Variants in DPYD observed in about 807,000 individuals in gnomAD.
The protein encoded by DPYD is dihydropyrimidine dehydrogenase.
In DPYD, 109 loss-of-function variants were observed where a neutral mutation model predicts 116.2. That is an observed-to-expected ratio of 0.94 (90% CI 0.80 to 1.10). The LOEUF (loss-of-function observed/expected upper bound fraction) is 1.10, where lower values mean the gene tolerates loss of function less well. Among genes scored for constraint, DPYD ranks in the 50% least tolerant of loss-of-function variants. The pLI is 0.00. For synonymous variants in DPYD, 440 were observed against 432.0 expected (o/e 1.02, Z -0.23); for missense variants, 1,302 against 1,254.5 (o/e 1.04, Z -0.57).
chr1:97,609,672 G>T (rs1432875818), intron 8 of DPYD, among the ~76,000 whole-genome samples: 1 of 151,752 alleles, frequency 6.6e-6, no homozygotes, highest in African/African-American at 2.4e-5. Flanking sequence ...TAAATACATC[G>T]TTTCTTCCAT....
At chr1:97,531,491 T>G (rs545811517) in intron 12 of DPYD, among the ~76,000 whole-genome samples, 1 of 152,324 alleles carries the variant, frequency 6.6e-6, no homozygotes, top group Non-Finnish European at 1.5e-5. Flanking sequence ...TCCAATGCTC[T>G]ACATGTTTGT....
chr1:97,217,500 G>GT (rs1660489065), intron 19 of DPYD, among the ~76,000 whole-genome samples: 1 of 152,060 alleles, frequency 6.6e-6, no homozygotes, highest in South Asian at 2.1e-4. Flanking sequence ...TTTCAGGCCT[G>GT]TAAGAACTTT....
chr1:97,299,792 G>A (rs72726684), intron 18 of DPYD, among the ~76,000 whole-genome samples: 18 of 152,128 alleles, frequency 1.2e-4, no homozygotes, highest in Non-Finnish European at 2.5e-4. Context: ...TTTGTGTAGG[G>A]CAGGTAGCAG....
intron 3 of DPYD, among the ~76,000 whole-genome samples, chr1:97,777,203 C>T (rs1487826805): frequency 6.6e-6 from 1 of 152,084 alleles, no homozygotes; most frequent in Non-Finnish European, 1.5e-5. Flanking sequence ...TCATTTATAA[C>T]ATTAAAACTT....
At chr1:97,713,604 T>C (rs1193927864) in intron 5 of DPYD, among the ~76,000 whole-genome samples, 3 of 152,154 alleles carry the variant, frequency 2.0e-5, no homozygotes, top group Non-Finnish European at 4.4e-5. Flanking sequence ...ATTATTCTTT[T>C]CTATTAATCA....
intron 11 of DPYD, among the ~76,000 whole-genome samples, chr1:97,566,015 C>T (rs532207799): frequency 3.3e-5 from 5 of 152,136 alleles, no homozygotes; most frequent in Admixed American, 6.6e-5. Context: ...TCTAACAGTG[C>T]GGTGTTGAGC....
chr1:97,130,747 TTCTC>T (rs1653227527), intron 20 of DPYD, among the ~76,000 whole-genome samples: 1 of 54,910 alleles, frequency 1.8e-5, no homozygotes, highest in African/African-American at 8.4e-5. Context: ...TCTTTCTTCT[TTCTC>T]CCTTCCTTCC....
rs56009010 is a variant in DPYD at position 97,201,907 on chromosome 1, C to CTTT, written c.2443-8662_2443-8660dup. Among the ~76,000 whole-genome samples the CTTT allele has an allele frequency of 5.6e-5, 8 of 142,382 alleles. No homozygotes were observed. The South Asian group carries it at 6.6e-4, about 12-fold the overall frequency. 93.4% of individuals were successfully genotyped at this position (142,382 alleles called of 152,430 possible). Reference sequence around the variant, plus strand: ...TTATATTCTTAGGTCTCTCAAGCAGCTTTTTTTTTTTTTTTCCCAAAGTGA... The same window carrying CTTT: ...TTATATTCTTAGGTCTCTCAAGCAGCTTTTTTTTTTTTTTTTTTCCCAAAGTGA... On this transcript the variant is annotated intron_variant, in intron 19 of 22. Coordinates refer to ENST00000370192, the MANE Select transcript of DPYD (RefSeq NM_000110.4).
At chr1:97,230,871 G>A (rs1661548071) in intron 19 of DPYD, among the ~76,000 whole-genome samples, 1 of 152,118 alleles carries the variant, frequency 6.6e-6, no homozygotes, top group African/African-American at 2.4e-5. Flanking sequence ...TCTTGCCCCA[G>A]GACTGTCCCA....
chr1:97,082,556 T>G, intron 21 of DPYD, 86 bp from the exon 22 acceptor site: 1 of 1,487,086 alleles, frequency 6.7e-7, no homozygotes, highest in Non-Finnish European at 9.3e-7. Flanking sequence ...TTTCCTGTTT[T>G]TATACAATGT....
At chr1:97,553,938 A>T (rs976084873) in intron 11 of DPYD, among the ~76,000 whole-genome samples, 3 of 152,102 alleles carry the variant, frequency 2.0e-5, no homozygotes, top group Admixed American at 6.6e-5. Flanking sequence ...CATACCAAAC[A>T]TTCAAGATTT....
At chr1:97,581,896 G>T (rs1218067433) in intron 10 of DPYD, among the ~76,000 whole-genome samples, 2 of 152,144 alleles carry the variant, frequency 1.3e-5, no homozygotes, top group Non-Finnish European at 2.9e-5. Context: ...GAAGAAGTGG[G>T]TGTGGAAGGG....
At chr1:97,629,447 A>G (rs1657121759) in intron 8 of DPYD, among the ~76,000 whole-genome samples, 1 of 152,090 alleles carries the variant, frequency 6.6e-6, no homozygotes, top group Admixed American at 6.6e-5. Context: ...CAGTTGGTGC[A>G]TGAAGGGGGC....
intron 6 of DPYD, among the ~76,000 whole-genome samples, chr1:97,693,290 CAAAAAA>C (rs201872835): frequency 1.2e-4 from 5 of 41,822 alleles, no homozygotes; most frequent in Admixed American, 7.8e-4. Context: ...GACTCCGTCT[CAAAAAA>C]AAAAAAAAAA....
intron 3 of DPYD, among the ~76,000 whole-genome samples, chr1:97,763,187 C>T (rs1471069180): frequency 5.3e-5 from 8 of 151,958 alleles, no homozygotes; most frequent in African/African-American, 1.7e-4. Flanking sequence ...ACATCTATCT[C>T]CCCCTACTAA....
intron 13 of DPYD, among the ~76,000 whole-genome samples, chr1:97,489,260 G>A (rs1029735242): frequency 2.6e-5 from 4 of 152,180 alleles, no homozygotes; most frequent in Admixed American, 6.5e-5. Flanking sequence ...AGCGCACCAG[G>A]TTTAACACCT....
At chr1:97,846,078 C>T (rs766455477) in intron 2 of DPYD, among the ~76,000 whole-genome samples, 4 of 152,162 alleles carry the variant, frequency 2.6e-5, no homozygotes, top group Admixed American at 2.6e-4. Flanking sequence ...TGGTGCGAGC[C>T]GAGAACAGCC....
At chr1:97,919,026 T>G (rs1674367500) in intron 1 of DPYD, among the ~76,000 whole-genome samples, 1 of 152,220 alleles carries the variant, frequency 6.6e-6, no homozygotes, top group African/African-American at 2.4e-5. Flanking sequence ...ATCAATAGGA[T>G]CAACTGAGGC....
intron 14 of DPYD, among the ~76,000 whole-genome samples, chr1:97,411,492 A>G (rs1556794): frequency 0.2 from 30,660 of 151,904 alleles, 3,327 homozygotes; most frequent in East Asian, 0.38. Flanking sequence ...AATCCTGCTA[A>G]CAATGAGCAC....
Sources: gnomAD v4.1 joint callset for allele counts (sites outside exome capture counted in the v4.1 genomes callset) on GRCh38, gnomAD v4.1.1 for gene constraint, MANE v1.5 for transcripts, NCBI Gene and HGNC (gene_info 2026-07-23, HGNC 2026-07-21) for gene names.